VAT1L: variants seen among roughly 807,000 people sequenced by gnomAD.
VAT1L encodes the protein putative NADPH-dependent quinone oxidoreductase VAT1L.
Under a neutral mutation model 44.1 loss-of-function variants are expected in VAT1L, and 34 were observed. The ratio of observed to expected loss-of-function variants is 0.77; its 90% CI spans 0.59 to 1.03. The LOEUF is 1.03. VAT1L is among the 50% of genes least tolerant of loss of function. The pLI, the probability that VAT1L is intolerant of heterozygous loss-of-function variation, is 0.00. For missense variants in VAT1L, 615 were observed against 538.8 expected, an observed-to-expected ratio of 1.14 and a Z score of -1.40; for synonymous variants, 253 against 202.2, an observed-to-expected ratio of 1.25 and a Z score of -2.13.
intron 7 of VAT1L, among the ~76,000 whole-genome samples, chr16:77,933,445 T>G (rs2017755233): frequency 6.6e-6 from 1 of 152,218 alleles, no homozygotes; most frequent in African/African-American, 2.4e-5. Context: ...TACTAGTCAG[T>G]ATGTAGAGAA....
intron 1 of VAT1L, among the ~76,000 whole-genome samples, chr16:77,808,754 C>G (rs190219006): frequency 2.6e-5 from 4 of 152,122 alleles, no homozygotes; most frequent in African/African-American, 4.8e-5. Flanking sequence ...TACCACCACA[C>G]CTGGCTAATT....
chr16:77,945,051 C>T (rs1367825141), intron 7 of VAT1L, among the ~76,000 whole-genome samples: 1 of 152,100 alleles, frequency 6.6e-6, no homozygotes, highest in Admixed American at 6.5e-5. Flanking sequence ...GTACAAAAAC[C>T]TGTCGGTTGT....
intron 8 of VAT1L, among the ~76,000 whole-genome samples, chr16:77,977,190 G>A (rs2018350600): frequency 6.6e-6 from 1 of 152,158 alleles, no homozygotes; most frequent in Non-Finnish European, 1.5e-5. Flanking sequence ...GCAGCCCTTA[G>A]CCATAACATG....
intron 4 of VAT1L, among the ~76,000 whole-genome samples, chr16:77,870,231 C>T (rs1244384910): frequency 6.6e-6 from 1 of 152,156 alleles, no homozygotes; most frequent in Admixed American, 6.5e-5. Flanking sequence ...CTATAAGAAG[C>T]CTATCGCGTA....
intron 3 of VAT1L, 151 bp downstream of exon 3, chr16:77,825,612 G>C (rs1474514004): frequency 2.4e-5 from 22 of 934,942 alleles, no homozygotes; most frequent in Non-Finnish European, 3.6e-5. Context: ...AGCCCATATA[G>C]ATGATTGCAT....
intron 4 of VAT1L, among the ~76,000 whole-genome samples, chr16:77,866,833 A>G (rs2016979520): frequency 6.6e-6 from 1 of 152,146 alleles, no homozygotes; most frequent in African/African-American, 2.4e-5. Flanking sequence ...AGCGTTAGAA[A>G]CCTTGAGTTG....
At chr16:77,941,808 C>A (rs2017887825) in intron 7 of VAT1L, among the ~76,000 whole-genome samples, 1 of 152,066 alleles carries the variant, frequency 6.6e-6, no homozygotes, top group South Asian at 2.1e-4. Context: ...AGGCTGGTCT[C>A]AAACTCCTGA....
At chr16:77,886,767 C>T (rs1023496174) in intron 7 of VAT1L, among the ~76,000 whole-genome samples, 3 of 152,094 alleles carry the variant, frequency 2.0e-5, no homozygotes, top group African/African-American at 2.4e-5. Context: ...TTTGGATATA[C>T]GTTGGTGAGT....
At chr16:77,816,769 G>A (rs370253273) in intron 1 of VAT1L, 152 bp from the exon 2 acceptor site, 23 of 924,566 alleles carry the variant, frequency 2.5e-5, no homozygotes, top group East Asian at 1.9e-4. Flanking sequence ...TACTATTAGG[G>A]ATACTTTGCC....
chr16:77,890,136 CT>C (rs1351503550), intron 7 of VAT1L, among the ~76,000 whole-genome samples: 1 of 151,780 alleles, frequency 6.6e-6, no homozygotes, highest in East Asian at 1.9e-4. Context: ...TGAGGTGGGG[CT>C]TGCTTGGTAT....
At chr16:77,940,190 T>G (rs1387188438) in intron 7 of VAT1L, among the ~76,000 whole-genome samples, 2 of 152,166 alleles carry the variant, frequency 1.3e-5, no homozygotes, top group Non-Finnish European at 2.9e-5. Context: ...AACTGTGATT[T>G]ACAGCATTTG....
chr16:77,859,135 C>CAAAA (rs59034189), intron 3 of VAT1L, among the ~76,000 whole-genome samples: 1 of 126,090 alleles, frequency 7.9e-6, no homozygotes, highest in Non-Finnish European at 1.7e-5. Context: ...AACTCCATCT[C>CAAAA]AAAAAAAAAA....
Position 77,979,010 on chromosome 16 carries a change from C to CA in VAT1L, c.*1317dup, listed in dbSNP as rs1324776168. The CA allele has an allele frequency of 1.3e-5, 2 of 152,190 alleles. No homozygotes were observed. Among genetic ancestry groups the CA allele is most frequent in the African/African-American group, 4.8e-5 (2 of 41,426 alleles). 9.4% of individuals were successfully genotyped at this position (152,190 alleles called of 1,614,324 possible). ...CCAGGAGCTCATTTGATTCATACCC[C>CA]AACTTTGTGTTCTGAAAAACATCAG... On this transcript the variant is annotated 3_prime_UTR_variant, in exon 9 of 9. Coordinates refer to ENST00000302536, the MANE Select transcript of VAT1L (RefSeq NM_020927.3).
chr16:77,906,423 T>C (rs1001444038), intron 7 of VAT1L, among the ~76,000 whole-genome samples: 1 of 152,162 alleles, frequency 6.6e-6, no homozygotes, highest in East Asian at 1.9e-4. Context: ...AATAGGACAG[T>C]CATACGATTG....
chr16:77,857,205 T>C (rs1048405200), intron 3 of VAT1L, among the ~76,000 whole-genome samples: 2 of 152,194 alleles, frequency 1.3e-5, no homozygotes, highest in Non-Finnish European at 2.9e-5. Flanking sequence ...ATGGATTGTC[T>C]TGTTCATTTT....
intron 3 of VAT1L, among the ~76,000 whole-genome samples, chr16:77,859,562 T>C (rs560417557): frequency 2.0e-5 from 3 of 152,142 alleles, no homozygotes; most frequent in Admixed American, 6.5e-5. Flanking sequence ...AATAGTGACA[T>C]GTTCAGTGTT....
At chr16:77,849,920 C>G (rs904627159) in intron 3 of VAT1L, among the ~76,000 whole-genome samples, 1 of 152,144 alleles carries the variant, frequency 6.6e-6, no homozygotes. Context: ...ATGATTTGAG[C>G]GTTTGAGTCA....
intron 2 of VAT1L, among the ~76,000 whole-genome samples, chr16:77,818,369 G>A (rs1017094987): frequency 6.6e-6 from 1 of 151,912 alleles, no homozygotes; most frequent in African/African-American, 2.4e-5. Context: ...GCAGATAAAT[G>A]TTGAGAAAGA....
At chr16:77,796,357 A>G (rs573705861) in intron 1 of VAT1L, among the ~76,000 whole-genome samples, 8 of 152,268 alleles carry the variant, frequency 5.3e-5, no homozygotes, top group African/African-American at 1.9e-4. Flanking sequence ...AAAGCCTACT[A>G]TGTACCTCAG....
Sources: allele counts gnomAD v4.1 joint callset (sites outside exome capture counted in the v4.1 genomes callset), GRCh38; gene constraint gnomAD v4.1.1; transcripts MANE v1.5; gene names NCBI Gene and HGNC (gene_info 2026-07-23, HGNC 2026-07-21).